ARHGEF33: variants seen among roughly 807,000 people sequenced by gnomAD.
ARHGEF33 encodes the protein Rho guanine nucleotide exchange factor 33.
In ARHGEF33, 72 loss-of-function variants were observed where a neutral mutation model predicts 101.9. The ratio of observed to expected loss-of-function variants is 0.71; its 90% CI spans 0.58 to 0.86. ARHGEF33 has a LOEUF of 0.86. Ranked by LOEUF, ARHGEF33 falls within the 40% of genes least tolerant of loss-of-function variation. The pLI is 0.00. For missense variants in ARHGEF33, 1,169 were observed against 1,111.3 expected (o/e 1.05, Z -0.74); for synonymous variants, 499 against 442.5 (o/e 1.13, Z -1.60).
At chr2:38,891,086 A>G (rs984851956) in intron 1 of ARHGEF33, among the ~76,000 whole-genome samples, 6 of 150,876 alleles carry the variant, frequency 4.0e-5, no homozygotes, top group African/African-American at 1.5e-4. Flanking sequence ...GGTGCACACC[A>G]CCACACCCGG....
Position 38,960,439 on chromosome 2 carries a change from T to C in ARHGEF33, c.2134T>C (p.Phe712Leu), listed in dbSNP as rs1193468767. The C allele has an allele frequency of 6.7e-7, 1 of 1,498,652 alleles. No homozygotes were observed. Among genetic ancestry groups the C allele is most frequent in the Non-Finnish European group, 8.8e-7 (1 of 1,130,842 alleles). The allele number at this position is 1,498,652 out of a possible 1,614,324, so 92.8% of individuals were successfully genotyped here. ...GCCGCTGAGCCGCTCTCTCAAAGAG[T>C]TCCCGCGTGCGCCGCCAGCCGACGG... ...AKPLSRSLKE[F>L]PRAPPADGVA... Residue 712 changes from phenylalanine to leucine, a missense_variant, in exon 16 of 18, where the codon TTC (phenylalanine) becomes CTC (leucine). Physicochemically the swap from Phe to Leu is conservative, Grantham distance 22. Transcript: ENST00000409978.
chr2:38,920,550 G>C, intron 3 of ARHGEF33, among the ~76,000 whole-genome samples: 1 of 151,882 alleles, frequency 6.6e-6, no homozygotes, highest in Non-Finnish European at 1.5e-5. Flanking sequence ...TGGGATTACA[G>C]GTGCCTGCCA....
chr2:38,949,834 G>A (rs556979517), intron 10 of ARHGEF33, among the ~76,000 whole-genome samples: 6 of 152,198 alleles, frequency 3.9e-5, no homozygotes, highest in Admixed American at 1.3e-4. Flanking sequence ...GGTGGAAGGC[G>A]AAGGGGAAGC....
At position 38,974,015 on chromosome 2, in the gene ARHGEF33, T is replaced by C. The variant is rs1668223762; in HGVS notation, c.*172T>C. 5.8e-6 allele frequency: 2 copies of C among 347,394 alleles called. No homozygotes were observed. The highest frequency in any genetic ancestry group is 8.5e-6 in the Non-Finnish European group (2 of 235,334). The allele number at this position is 347,394 out of a possible 1,614,324, so 21.5% of individuals were successfully genotyped here. On this transcript the variant is annotated 3_prime_UTR_variant, in exon 18 of 18. Transcript: ENST00000409978. ...CATATGAAACTAAACATACAAGACA[T>C]TGAAGAGATGAAGATTAGTTTCTGG... is the stretch of plus-strand genomic sequence containing the variant.
chr2:38,913,178 A>G (rs1406242916), intron 2 of ARHGEF33, among the ~76,000 whole-genome samples: 1 of 152,144 alleles, frequency 6.6e-6, no homozygotes, highest in Non-Finnish European at 1.5e-5. Flanking sequence ...CTGAGACTAC[A>G]GGCTTTGTCA....
At chr2:38,953,357 G>A in intron 12 of ARHGEF33, 112 bp downstream of exon 12, 1 of 682,696 alleles carries the variant, frequency 1.5e-6, no homozygotes. Flanking sequence ...GCTGGGGAAT[G>A]GCCTGAACAC....
At chr2:38,969,609 G>T in intron 17 of ARHGEF33, 1 of 167,042 alleles carries the variant, frequency 6.0e-6, no homozygotes. Context: ...CAAAATATTT[G>T]GGGAAAAGAA....
At chr2:38,958,291 C>T in intron 15 of ARHGEF33, 93 bp downstream of exon 15, 1 of 1,456,490 alleles carries the variant, frequency 6.9e-7, no homozygotes. Flanking sequence ...ATTCCTCCAT[C>T]CCCTTTCCCC....
Position 38,960,724 on chromosome 2 carries a change from C to T in ARHGEF33, c.2343+76C>T, listed in dbSNP as rs190440690. 6.4e-5 allele frequency: 74 copies of T among 1,156,176 alleles called. No individual in the cohort carries two copies. The African/African-American group carries it at 1.1e-3, about 17-fold the overall frequency. 71.6% of individuals were successfully genotyped at this position (1,156,176 alleles called of 1,614,324 possible). A position where few individuals can be genotyped will look rare whatever the true frequency, so the allele number is the denominator to read the frequency against. Reference sequence around the variant, plus strand: ...ATCTGCAGGAAGCATCCCGAGTTCTCCTAGCGTGGAGAGGAGCGGGGCCGG... The same window carrying T: ...ATCTGCAGGAAGCATCCCGAGTTCTTCTAGCGTGGAGAGGAGCGGGGCCGG... On this transcript the variant is annotated intron_variant, in intron 16 of 17. Transcript: ENST00000409978.
intron 9 of ARHGEF33, among the ~76,000 whole-genome samples, chr2:38,942,607 A>G (rs1040562144): frequency 3.4e-4 from 51 of 151,812 alleles, no homozygotes; most frequent in African/African-American, 1.1e-3. Context: ...GCATCCTGCA[A>G]TTGTTAAATG....
At chr2:38,915,288 C>G (rs1324464548) in intron 2 of ARHGEF33, among the ~76,000 whole-genome samples, 1 of 151,636 alleles carries the variant, frequency 6.6e-6, no homozygotes, top group African/African-American at 2.4e-5. Context: ...GCAATACAAA[C>G]AAGTGATCAT....
chr2:38,917,799 A>T (rs1393624093), intron 2 of ARHGEF33, among the ~76,000 whole-genome samples: 1 of 151,190 alleles, frequency 6.6e-6, no homozygotes, highest in Non-Finnish European at 1.5e-5. Flanking sequence ...ACTGCACTGC[A>T]GCCTGGGCAA....
At chr2:38,920,924 A>G (rs1666743011) in intron 3 of ARHGEF33, among the ~76,000 whole-genome samples, 3 of 152,260 alleles carry the variant, frequency 2.0e-5, no homozygotes, top group South Asian at 4.1e-4. Context: ...TCTGTCAAAG[A>G]TCAGAGGTGG....
chr2:38,965,891 G>A, intron 16 of ARHGEF33, 115 bp from the exon 17 acceptor site: 2 of 1,289,370 alleles, frequency 1.6e-6, no homozygotes. Flanking sequence ...GGTGCCCACT[G>A]GTAGTCTTTT....
intron 4 of ARHGEF33, among the ~76,000 whole-genome samples, chr2:38,923,147 A>G (rs1347775435): frequency 6.6e-6 from 1 of 152,180 alleles, no homozygotes; most frequent in Admixed American, 6.6e-5. Context: ...ATCTTATTGC[A>G]CTACAAATCC....
chr2:38,897,616 A>G (rs1022560888), intron 2 of ARHGEF33, among the ~76,000 whole-genome samples: 2 of 152,196 alleles, frequency 1.3e-5, no homozygotes, highest in African/African-American at 4.8e-5. Context: ...AATTTTGCCT[A>G]TAATTTAGAG....
At chr2:38,947,503 C>A (rs951955747) in intron 10 of ARHGEF33, among the ~76,000 whole-genome samples, 1 of 152,214 alleles carries the variant, frequency 6.6e-6, no homozygotes, top group Non-Finnish European at 1.5e-5. Context: ...GATCCTCCCA[C>A]CTCAGCATCC....
intron 17 of ARHGEF33, among the ~76,000 whole-genome samples, chr2:38,971,670 G>A (rs1374139007): frequency 2.0e-5 from 3 of 152,186 alleles, no homozygotes; most frequent in African/African-American, 4.8e-5. Flanking sequence ...TGAGCTTTTA[G>A]TCATGGCTAT....
chr2:38,901,837 C>G (rs956938263), intron 2 of ARHGEF33, among the ~76,000 whole-genome samples: 1 of 152,114 alleles, frequency 6.6e-6, no homozygotes, highest in East Asian at 1.9e-4. Flanking sequence ...AGCATGAGGC[C>G]GGGCACGGTG....
Sources: allele counts gnomAD v4.1 joint callset (sites outside exome capture counted in the v4.1 genomes callset), GRCh38; gene constraint gnomAD v4.1.1; transcripts MANE v1.5; gene names NCBI Gene and HGNC (gene_info 2026-07-23, HGNC 2026-07-21).